The following ACVR2B variants were observed in gnomAD, a reference collection of about 807,000 sequenced individuals.
ACVR2B encodes the protein activin A receptor type 2B, also known as activin receptor type-2B.
A neutral mutation model predicts 65.1 loss-of-function variants in ACVR2B; 18 were observed. The observed-to-expected ratio is 0.28, with a 90% CI of 0.19 to 0.41. The LOEUF is 0.41. Ranked by LOEUF, ACVR2B falls within the 10% of genes least tolerant of loss-of-function variation. The pLI is 1.00. For synonymous variants in ACVR2B, 298 were observed against 277.7 expected (o/e 1.07, Z -0.73); for missense variants, 482 against 682.7 (o/e 0.71, Z 3.28).
At chr3:38,457,102 G>A (rs1194397206) in intron 1 of ACVR2B, among the ~76,000 whole-genome samples, 2 of 152,176 alleles carry the variant, frequency 1.3e-5, no homozygotes, top group Non-Finnish European at 2.9e-5. Flanking sequence ...TGCGCCAGAG[G>A]CTGAGGCAGG....
intron 1 of ACVR2B, among the ~76,000 whole-genome samples, chr3:38,473,027 T>TATGTGC (rs1280327134): frequency 1.3e-5 from 2 of 152,190 alleles, no homozygotes; most frequent in African/African-American, 4.8e-5. Flanking sequence ...TGTGTGTGTG[T>TATGTGC]ATGTGCATGT....
intron 1 of ACVR2B, among the ~76,000 whole-genome samples, chr3:38,471,239 AG>A (rs1406674689): frequency 2.6e-5 from 4 of 152,234 alleles, no homozygotes; most frequent in African/African-American, 9.6e-5. Flanking sequence ...GTAATCCAGT[AG>A]AAAAATGAGA....
At chr3:38,468,009 G>A (rs779336327) in intron 1 of ACVR2B, among the ~76,000 whole-genome samples, 109 of 152,064 alleles carry the variant, frequency 7.2e-4, no homozygotes, top group Non-Finnish European at 9.4e-4. Flanking sequence ...CTTTGAAGTA[G>A]CTAGGACCAC....
chr3:38,467,474 G>A (rs1027589250), intron 1 of ACVR2B, among the ~76,000 whole-genome samples: 8 of 151,896 alleles, frequency 5.3e-5, no homozygotes, highest in Admixed American at 2.6e-4. Flanking sequence ...CAAATGGGTT[G>A]AGTGCAGTGG....
At chr3:38,472,877 G>A (rs543977792) in intron 1 of ACVR2B, among the ~76,000 whole-genome samples, 11 of 152,312 alleles carry the variant, frequency 7.2e-5, no homozygotes, top group Admixed American at 5.9e-4. Context: ...GTATGTCCAA[G>A]GCCTACTGGA....
rs1164294862 is a variant in ACVR2B, at chr3:38,483,282, G to A, written c.1489G>A (p.Val497Met). The part of the protein sequence containing the change: ...GTTSDCLVSL[V>M]TSVTNVDLPP... ...TACCTCGGACTGTCTCGTTTCCCTG[G>A]TGACCTCTGTCACCAATGTGGACCT... The change falls in exon 11 of 11, where the codon GTG becomes ATG. Residue 497 changes from valine to methionine, a missense_variant. This residue lies in a region of ACVR2B where 38 missense variants were observed against 29.3 expected (regional missense o/e 1.30). Transcript: ENST00000352511. This position sits in a 1 kb window ranked among gnomAD's most constrained non-coding sequence, Gnocchi z 4.8. 1.2e-6 allele frequency: 2 copies of A among 1,614,002 alleles called. No homozygotes were observed. The highest frequency in any genetic ancestry group is 3.3e-5 in the Admixed American group (2 of 60,004).
At chr3:38,482,001 T>A (rs925027323) in intron 8 of ACVR2B, among the ~76,000 whole-genome samples, 197 bp from the exon 9 acceptor site, 2 of 152,188 alleles carry the variant, frequency 1.3e-5, no homozygotes, top group African/African-American at 4.8e-5. Context: ...TTAAAAATTA[T>A]TAGCCAAGTA....
intron 1 of ACVR2B, among the ~76,000 whole-genome samples, chr3:38,472,242 A>G (rs1709830974): frequency 1.3e-5 from 2 of 152,134 alleles, no homozygotes; most frequent in African/African-American, 2.4e-5. Context: ...GGGGCTGTGG[A>G]ATCATAACAT....
intron 1 of ACVR2B, among the ~76,000 whole-genome samples, chr3:38,470,873 A>G (rs1385679444): frequency 6.6e-6 from 1 of 152,240 alleles, no homozygotes; most frequent in African/African-American, 2.4e-5. Flanking sequence ...AAAATAGGAA[A>G]TTTTAAAAGA....
chr3:38,477,240 G>A lies in ACVR2B; in HGVS notation c.53-47G>A. The A allele has an allele frequency of 6.2e-7, 1 of 1,607,392 alleles. No homozygotes were observed. Among genetic ancestry groups the A allele is most frequent in the Non-Finnish European group, 8.5e-7 (1 of 1,175,876 alleles). ...AGGACTGGGAGTAGGGGTTTGGGTGGTGGTCCCAGGGGCATGCTCAGTGGT... is the reference window on the plus strand; with the variant it reads ...AGGACTGGGAGTAGGGGTTTGGGTGATGGTCCCAGGGGCATGCTCAGTGGT... On this transcript the variant is annotated intron_variant, in intron 1 of 10. Coordinates refer to ENST00000352511, the MANE Select transcript of ACVR2B (RefSeq NM_001106.4). This position sits in a 1 kb window ranked among gnomAD's most constrained non-coding sequence, Gnocchi z 6.7.
At position 38,487,885 on chromosome 3, in the gene ACVR2B, A is replaced by T. The variant is rs530934686; in HGVS notation, c.*4553A>T. 6.6e-6 allele frequency: 1 copy of T among 152,130 alleles called. No homozygotes were observed. The highest frequency in any genetic ancestry group is 1.5e-5 in the Non-Finnish European group (1 of 68,032). The allele number at this position is 152,130 out of a possible 1,614,324, so 9.4% of individuals were successfully genotyped here. On this transcript the variant is annotated 3_prime_UTR_variant, in exon 11 of 11. Coordinates refer to ENST00000352511, the MANE Select transcript of ACVR2B (RefSeq NM_001106.4). ...AGTTTCCAGGAGTTAACTCAGTTTA[A>T]TTTTCAGTCTCAGTTATTTTAGCCT...
chr3:38,478,596 A>G (rs987957378), intron 5 of ACVR2B, 78 bp downstream of exon 5: 168 of 1,593,288 alleles, frequency 1.1e-4, no homozygotes, highest in Admixed American at 1.5e-4. Context: ...ACCTGGGGCA[A>G]TCCAAACCCC....
intron 1 of ACVR2B, among the ~76,000 whole-genome samples, chr3:38,459,950 T>A (rs1414001363): frequency 2.0e-5 from 3 of 152,152 alleles, no homozygotes; most frequent in African/African-American, 7.2e-5. Context: ...AGGGAACGCT[T>A]CTGTGGGACT....
intron 1 of ACVR2B, among the ~76,000 whole-genome samples, chr3:38,472,935 A>G (rs1275934244): frequency 6.6e-6 from 1 of 152,178 alleles, no homozygotes; most frequent in Non-Finnish European, 1.5e-5. Context: ...TTGACCTCCC[A>G]GTGCGTGTCT....
At chr3:38,476,230 T>G (rs929133083) in intron 1 of ACVR2B, 3 of 151,914 alleles carry the variant, frequency 2.0e-5, no homozygotes, top group African/African-American at 7.3e-5. Context: ...GAAGATGGAT[T>G]TGGGGAATGT....
intron 1 of ACVR2B, among the ~76,000 whole-genome samples, chr3:38,461,712 T>A (rs575058135): frequency 6.6e-6 from 1 of 152,314 alleles, no homozygotes; most frequent in East Asian, 1.9e-4. Flanking sequence ...AAAAATTTAT[T>A]ACTTTTTAAA....
In ACVR2B at chr3:38,483,326, C is replaced by T. The variant is rs749152885; in HGVS notation, c.1533C>T (p.Ser511=). ...TNVDLPPKES[S]I is the part of the protein sequence containing the mutation. ...TGGACCTGCCCCCTAAAGAGTCAAG[C>T]ATCTAAGCCCAGGACATGAGTGTCT... is the stretch of plus-strand genomic sequence containing the variant. Residue 511 remains serine, a synonymous_variant, in exon 11 of 11, where the codon AGC becomes AGT. Transcript: ENST00000352511. The surrounding 1 kb of genome is among the most constrained non-coding windows in gnomAD (Gnocchi z 4.8). 2 of 1,613,976 alleles carry T rather than the reference C, an allele frequency of 1.2e-6. No homozygotes were observed. Among genetic ancestry groups the T allele is most frequent in the South Asian group, 2.2e-5 (2 of 91,068 alleles).
rs1709938482 is a variant in ACVR2B, at chr3:38,477,813, T to A, written c.261-48T>A. 6.4e-7 allele frequency: 1 copy of A among 1,564,940 alleles called. No individual in the cohort carries two copies. ...GGTTGGCAGGGCAGGCCTGGGGGAG[T>A]CTTGCATCCCCCAGGTGAGGGGTAT... On this transcript the variant is annotated intron_variant, in intron 2 of 10. Transcript: ENST00000352511. This position sits in a 1 kb window ranked among gnomAD's most constrained non-coding sequence, Gnocchi z 6.7.
rs1384717213 is a variant in ACVR2B at position 38,483,363 on chromosome 3, G to A, written c.*31G>A. Reference sequence around the variant, plus strand: ...GGACATGAGTGTCTGTCCAGACTCAGTGGATCTGAAGAAAAAAGGAAAAAA... The same window carrying A: ...GGACATGAGTGTCTGTCCAGACTCAATGGATCTGAAGAAAAAAGGAAAAAA... On this transcript the variant is annotated 3_prime_UTR_variant, in exon 11 of 11. Coordinates refer to ENST00000352511, the MANE Select transcript of ACVR2B (RefSeq NM_001106.4). The surrounding 1 kb of genome is among the most constrained non-coding windows in gnomAD (Gnocchi z 4.8). The A allele has an allele frequency of 6.2e-7, 1 of 1,612,652 alleles. No homozygotes were observed. The highest frequency in any genetic ancestry group is 8.5e-7 in the Non-Finnish European group (1 of 1,178,824).
Sources: allele counts gnomAD v4.1 joint callset (sites outside exome capture counted in the v4.1 genomes callset), GRCh38; gene constraint gnomAD v4.1.1; regional missense constraint gnomAD v4.1.1; non-coding constraint Gnocchi (gnomAD v3.1); transcripts MANE v1.5; gene names NCBI Gene and HGNC (gene_info 2026-07-23, HGNC 2026-07-21).